Variants in TXLNB observed in about 807,000 individuals in gnomAD.
TXLNB encodes taxilin beta.
Under a neutral mutation model 57.4 loss-of-function variants are expected in TXLNB, and 37 were observed. The ratio of observed to expected loss-of-function variants is 0.64; its 90% CI spans 0.50 to 0.85. The LOEUF is 0.85. TXLNB is among the 40% of genes least tolerant of loss of function. TXLNB has a pLI of 0.00. For missense variants in TXLNB, 848 were observed against 825.6 expected, an observed-to-expected ratio of 1.03 and a Z score of -0.33; for synonymous variants, 302 against 309.6, an observed-to-expected ratio of 0.98 and a Z score of 0.26.
intron 2 of TXLNB, among the ~76,000 whole-genome samples, chr6:139,285,940 T>A (rs1251036329): frequency 6.9e-6 from 1 of 145,368 alleles, no homozygotes; most frequent in Non-Finnish European, 1.5e-5. Flanking sequence ...GAGGCCTCTA[T>A]CAGTTTCGAA....
At chr6:139,289,452 C>T (rs1369047815) in intron 1 of TXLNB, among the ~76,000 whole-genome samples, 2 of 152,182 alleles carry the variant, frequency 1.3e-5, no homozygotes, top group East Asian at 1.9e-4. Flanking sequence ...GTCTTGCTGA[C>T]GCTCCCGGCC....
At chr6:139,211,920 G>T in the TXLNB span, among the ~76,000 whole-genome samples, 3 of 152,136 alleles carry the variant, frequency 2.0e-5, no homozygotes, top group Admixed American at 6.5e-5. Flanking sequence ...GTGAAGAGAA[G>T]TTTAGAGAAA....
chr6:139,198,535 C>A, the TXLNB span, among the ~76,000 whole-genome samples: 1 of 152,126 alleles, frequency 6.6e-6, no homozygotes, highest in Admixed American at 6.5e-5. Flanking sequence ...GGTTATTTTC[C>A]TTTTGCAGCC....
downstream of TXLNB, chr6:139,239,320 C>T (rs986526996): frequency 6.7e-6 from 1 of 150,350 alleles, no homozygotes; most frequent in African/African-American, 2.5e-5. This position sits in a 1 kb window ranked among gnomAD's most constrained non-coding sequence, Gnocchi z 4.7. Flanking sequence ...GGAGGACGCA[C>T]GGCAGAGAAG....
the TXLNB span, chr6:139,179,290 TTAACCCACC>T: frequency 2.6e-5 from 4 of 152,234 alleles, no homozygotes; most frequent in African/African-American, 4.8e-5. Context: ...ATGCTGATCT[TTAACCCACC>T]TAAAATTTTA....
intron 4 of TXLNB, among the ~76,000 whole-genome samples, chr6:139,266,562 G>A (rs960697527): frequency 1.3e-5 from 2 of 152,122 alleles, no homozygotes; most frequent in African/African-American, 2.4e-5. Context: ...AAGAGAAAAA[G>A]TATTGGTGAA....
the TXLNB span, among the ~76,000 whole-genome samples, chr6:139,310,942 G>A: frequency 0.13 from 20,413 of 152,194 alleles, 1,538 homozygotes; most frequent in East Asian, 0.26. Flanking sequence ...TGATCCACCC[G>A]CCTCAGTCTC....
chr6:139,202,713 A>G, the TXLNB span, among the ~76,000 whole-genome samples: 1 of 152,248 alleles, frequency 6.6e-6, no homozygotes, highest in African/African-American at 2.4e-5. Context: ...TGTTAGAAAC[A>G]TTCAAAATCA....
the TXLNB span, among the ~76,000 whole-genome samples, chr6:139,193,838 ATATTTT>A: frequency 1.9e-5 from 1 of 52,752 alleles, no homozygotes; most frequent in Non-Finnish European, 4.0e-5. Context: ...ATATATATAT[ATATTTT>A]TTTTTTTTTT....
At chr6:139,307,348 C>T in the TXLNB span, among the ~76,000 whole-genome samples, 1 of 152,142 alleles carries the variant, frequency 6.6e-6, no homozygotes, top group Admixed American at 6.6e-5. Context: ...TGACACCACC[C>T]CTGGCTAAGT....
the TXLNB span, chr6:139,166,208 C>G: frequency 8.5e-7 from 1 of 1,171,610 alleles, no homozygotes; most frequent in Non-Finnish European, 1.2e-6. Flanking sequence ...AACCTTATAC[C>G]ATACTGTTGC....
At chr6:139,282,996 A>G (rs150543589) in intron 2 of TXLNB, 1 of 145,692 alleles carries the variant, frequency 6.9e-6, no homozygotes, top group East Asian at 2.0e-4. Flanking sequence ...AATGAGAGAT[A>G]CCTCTGAGCC....
chr6:139,221,196 C>A, the TXLNB span, among the ~76,000 whole-genome samples: 4 of 152,156 alleles, frequency 2.6e-5, no homozygotes, highest in East Asian at 7.7e-4. Context: ...AGCAAAGCAT[C>A]CCACAGTTTC....
At chr6:139,186,789 A>T in the TXLNB span, among the ~76,000 whole-genome samples, 72 of 152,344 alleles carry the variant, frequency 4.7e-4, no homozygotes, top group East Asian at 9.4e-3. Context: ...AATAAAAAGG[A>T]ACAGATTCTT....
At chr6:139,219,412 G>A in the TXLNB span, among the ~76,000 whole-genome samples, 2 of 152,206 alleles carry the variant, frequency 1.3e-5, no homozygotes, top group Admixed American at 1.3e-4. Flanking sequence ...GCAGAAGCTG[G>A]CAGCCGCACG....
chr6:139,242,939 G>C lies in TXLNB; in HGVS notation c.1642C>G (p.Pro548Ala). The change falls in exon 10 of 10, where the codon CCT becomes GCT. Residue 548 changes from proline to alanine, a missense_variant. By Grantham distance (27) the Pro-to-Ala change is conservative. Coordinates refer to ENST00000358430, the MANE Select transcript of TXLNB (RefSeq NM_153235.4). ...AGGGGACTCTCTGAATCCCGTGAAG[G>C]GATCAGAGGGGGTTGCTCTGGCTCC... ...LKEPEQPPLI[P>A]SRDSESPLPP... 1 of 1,614,114 alleles carries C rather than the reference G, an allele frequency of 6.2e-7. No homozygotes were observed. The highest frequency in any genetic ancestry group is 1.1e-5 in the South Asian group (1 of 91,084).
the TXLNB span, among the ~76,000 whole-genome samples, chr6:139,219,224 T>G: frequency 6.6e-6 from 1 of 152,186 alleles, no homozygotes; most frequent in African/African-American, 2.4e-5. Flanking sequence ...CTAACAGTGG[T>G]AAACAATCAC....
chr6:139,270,716 G>A, intron 3 of TXLNB, 90 bp from the exon 4 acceptor site: 3 of 1,185,418 alleles, frequency 2.5e-6, no homozygotes, highest in South Asian at 1.4e-5. Context: ...ATTACTCTGT[G>A]GTTGTTTGGA....
intron 7 of TXLNB, among the ~76,000 whole-genome samples, chr6:139,250,619 A>G (rs989889102): frequency 2.0e-5 from 3 of 150,630 alleles, no homozygotes; most frequent in African/African-American, 7.3e-5. Flanking sequence ...TTTTTCCTTA[A>G]TTTCTCCCCA....
Sources: gnomAD v4.1 joint callset for allele counts (sites outside exome capture counted in the v4.1 genomes callset) on GRCh38, gnomAD v4.1.1 for gene constraint, Gnocchi (gnomAD v3.1) non-coding constraint, MANE v1.5 for transcripts, NCBI Gene and HGNC (gene_info 2026-07-23, HGNC 2026-07-21) for gene names.